Variants in SCAPER observed in about 807,000 individuals in gnomAD.
SCAPER encodes the protein S phase cyclin A-associated protein in the endoplasmic reticulum.
A neutral mutation model predicts 182.2 loss-of-function variants in SCAPER; 98 were observed. The observed-to-expected ratio is 0.54, with a 90% CI of 0.46 to 0.64. SCAPER has a LOEUF of 0.64. Ranked by LOEUF, SCAPER falls within the 30% of genes least tolerant of loss-of-function variation. SCAPER has a pLI of 0.00. For synonymous variants in SCAPER, 605 were observed against 564.6 expected (o/e 1.07, Z -1.01); for missense variants, 1,432 against 1,690.0 (o/e 0.85, Z 2.68).
chr15:76,440,970 G>A (rs1440784745), intron 25 of SCAPER, among the ~76,000 whole-genome samples: 4 of 138,604 alleles, frequency 2.9e-5, no homozygotes, highest in Non-Finnish European at 4.5e-5. Flanking sequence ...CGCCCAGGCT[G>A]GGGTGCAGTG....
intron 2 of SCAPER, among the ~76,000 whole-genome samples, chr15:76,865,148 A>G (rs891497051): frequency 6.6e-6 from 1 of 152,190 alleles, no homozygotes; most frequent in Non-Finnish European, 1.5e-5. Context: ...TAAAGTTGAG[A>G]AAAAGATATA....
intron 15 of SCAPER, among the ~76,000 whole-genome samples, chr15:76,742,466 TAAAAAAAAAAAAAAA>T (rs55751202): frequency 5.4e-5 from 2 of 37,052 alleles, no homozygotes; most frequent in Admixed American, 1.0e-3. Context: ...TGTCTTTTCC[TAAAAAAAAAAAAAAA>T]AAAAAAAAAA....
At chr15:76,577,166 C>A (rs895275101) in intron 22 of SCAPER, among the ~76,000 whole-genome samples, 2 of 151,982 alleles carry the variant, frequency 1.3e-5, no homozygotes, top group African/African-American at 4.8e-5. Context: ...GGACTCTGTG[C>A]CAGGCACAGT....
intron 24 of SCAPER, among the ~76,000 whole-genome samples, chr15:76,479,310 C>T (rs1172996989): frequency 1.3e-5 from 2 of 152,152 alleles, no homozygotes; most frequent in Non-Finnish European, 2.9e-5. Context: ...GTGGTCTACC[C>T]AAGCAGCTTT....
intron 27 of SCAPER, among the ~76,000 whole-genome samples, chr15:76,391,214 T>C (rs1284194068): frequency 6.6e-6 from 1 of 152,236 alleles, no homozygotes; most frequent in African/African-American, 2.4e-5. Flanking sequence ...TTTACATGCC[T>C]GGTTCCGTCT....
At chr15:76,470,437 A>G (rs1389798952) in intron 25 of SCAPER, among the ~76,000 whole-genome samples, 1 of 152,196 alleles carries the variant, frequency 6.6e-6, no homozygotes, top group Non-Finnish European at 1.5e-5. Context: ...CAAAATGCAT[A>G]GGAATTAACC....
Position 76,781,580 on chromosome 15 carries a change from A to G in SCAPER, c.773-6463T>C, listed in dbSNP as rs146770415. On this transcript the variant is annotated intron_variant, in intron 8 of 31. Transcript: ENST00000563290. ...CTTGAGAAGAGAAACCCCAAGACAC[A>G]TAATTGTCAGATTCATCAAGGTTGA... Among the ~76,000 whole-genome samples, 1,230 of 152,300 alleles carry G rather than the reference A, an allele frequency of 8.1e-3. 13 individuals carry two copies. The highest frequency in any genetic ancestry group is 0.028 in the African/African-American group (1,166 of 41,548).
intron 29 of SCAPER, among the ~76,000 whole-genome samples, chr15:76,372,397 C>G (rs762621651): frequency 1.6e-4 from 25 of 152,132 alleles, no homozygotes; most frequent in Non-Finnish European, 3.2e-4. Flanking sequence ...CCACCATGTC[C>G]AAGTCAGGTC....
At chr15:76,892,945 G>T (rs889460776) in intron 1 of SCAPER, among the ~76,000 whole-genome samples, 1 of 146,226 alleles carries the variant, frequency 6.8e-6, no homozygotes, top group African/African-American at 2.4e-5. Context: ...CGATAGACTG[G>T]ATTAAGAAAA....
chr15:76,652,371 C>CACACACACACACACATATATAT (rs764864981), intron 21 of SCAPER, among the ~76,000 whole-genome samples: 1 of 8,060 alleles, frequency 1.2e-4, no homozygotes, highest in African/African-American at 5.2e-4. Flanking sequence ...CACACACACA[C>CACACACACACACACATATATAT]ATATATATAT....
At chr15:76,561,174 G>C (rs1392425491) in intron 23 of SCAPER, among the ~76,000 whole-genome samples, 3 of 152,172 alleles carry the variant, frequency 2.0e-5, no homozygotes, top group Non-Finnish European at 4.4e-5. Context: ...ATACTATCAG[G>C]CTGCTATAAG....
intron 1 of SCAPER, among the ~76,000 whole-genome samples, chr15:76,889,816 C>T (rs1040310170): frequency 2.6e-5 from 4 of 152,082 alleles, no homozygotes; most frequent in African/African-American, 4.8e-5. Context: ...TTGCACCAAG[C>T]GGACCTAATA....
chr15:76,673,163 C>T (rs115330992), intron 20 of SCAPER, among the ~76,000 whole-genome samples: 1 of 151,822 alleles, frequency 6.6e-6, no homozygotes, highest in Non-Finnish European at 1.5e-5. Context: ...TTTTCAAAAC[C>T]TAGAGAATAT....
Position 76,870,620 on chromosome 15 carries a change from T to C in SCAPER, c.7-8087A>G, listed in dbSNP as rs554584503. On this transcript the variant is annotated intron_variant, in intron 2 of 31. Transcript: ENST00000563290. ...AAACTGAAGAATCAAAAAACTGAAATTAAGAACTCAATGAATGGGTTTAAC... is the reference window on the plus strand; with the variant it reads ...AAACTGAAGAATCAAAAAACTGAAACTAAGAACTCAATGAATGGGTTTAAC... Among the ~76,000 whole-genome samples, 31 of 151,886 alleles carry C rather than the reference T, an allele frequency of 2.0e-4. No individual in the cohort carries two copies. In the South Asian group the frequency reaches 4.8e-3, roughly 23 times the overall value.
chr15:76,483,463 T>C (rs554072261), intron 24 of SCAPER, among the ~76,000 whole-genome samples: 2 of 151,966 alleles, frequency 1.3e-5, no homozygotes, highest in East Asian at 3.9e-4. Flanking sequence ...ATATACAATA[T>C]CAAAAACACA....
intron 23 of SCAPER, among the ~76,000 whole-genome samples, chr15:76,555,316 C>G (rs1467632644): frequency 6.6e-6 from 1 of 152,152 alleles, no homozygotes; most frequent in Non-Finnish European, 1.5e-5. Flanking sequence ...TACAAAGCAA[C>G]TCCACAATTG....
chr15:76,738,682 C>T (rs1286266947), intron 15 of SCAPER, among the ~76,000 whole-genome samples: 1 of 152,030 alleles, frequency 6.6e-6, no homozygotes, highest in African/African-American at 2.4e-5. Context: ...GTGGAGCAGT[C>T]AGAACACACA....
At chr15:76,692,580 T>C (rs955007308) in intron 20 of SCAPER, among the ~76,000 whole-genome samples, 2 of 150,456 alleles carry the variant, frequency 1.3e-5, no homozygotes, top group Non-Finnish European at 3.0e-5. Context: ...TCCCAGCTAC[T>C]TGGGAGGTTA....
chr15:76,711,448 G>C (rs1294415938), intron 17 of SCAPER, among the ~76,000 whole-genome samples: 3 of 152,034 alleles, frequency 2.0e-5, no homozygotes, highest in African/African-American at 7.2e-5. Flanking sequence ...AGTCATTAGA[G>C]AAATGAAAAT....
Sources: allele counts gnomAD v4.1 joint callset (sites outside exome capture counted in the v4.1 genomes callset), GRCh38; gene constraint gnomAD v4.1.1; transcripts MANE v1.5; gene names NCBI Gene and HGNC (gene_info 2026-07-23, HGNC 2026-07-21).